COL5A2: variants seen among roughly 807,000 people sequenced by gnomAD.
The protein encoded by COL5A2 is collagen type V alpha 2 chain.
A neutral mutation model predicts 208.2 loss-of-function variants in COL5A2; 23 were observed. The observed-to-expected ratio is 0.11, with a 90% confidence interval of 0.08 to 0.16. The LOEUF (loss-of-function observed/expected upper bound fraction) is 0.16. Ranked by LOEUF, COL5A2 falls within the 10% of genes least tolerant of loss-of-function variation. The pLI, the probability that COL5A2 is intolerant of heterozygous loss-of-function variation, is 1.00. For synonymous variants in COL5A2, 625 were observed against 628.5 expected (o/e 0.99, Z 0.08); for missense variants, 1,590 against 1,956.4 (o/e 0.81, Z 3.53).
intron 51 of COL5A2, among the ~76,000 whole-genome samples, chr2:189,038,881 G>T (rs1444270856): frequency 6.6e-6 from 1 of 151,952 alleles, no homozygotes; most frequent in East Asian, 1.9e-4. Context: ...AGTAGAGACG[G>T]GGTTTCACCA....
At chr2:189,326,549 T>G in the COL5A2 span, among the ~76,000 whole-genome samples, 1 of 151,738 alleles carries the variant, frequency 6.6e-6, no homozygotes, top group African/African-American at 2.4e-5. Context: ...AAATTAGCTG[T>G]GCATGGTGGT....
At chr2:189,365,884 CTATGCTGAACT>C in the COL5A2 span, among the ~76,000 whole-genome samples, 66 of 152,296 alleles carry the variant, frequency 4.3e-4, 1 homozygote, top group African/African-American at 1.5e-3. Context: ...TGCATTTGAA[CTATGCTGAACT>C]TAGACACCCC....
intron 2 of COL5A2, among the ~76,000 whole-genome samples, chr2:189,106,972 CTT>C (rs1280107769): frequency 2.0e-5 from 3 of 151,376 alleles, no homozygotes; most frequent in South Asian, 2.1e-4. Flanking sequence ...TGCTAATAGA[CTT>C]AATATTTTAT....
chr2:189,088,784 A>G lies in COL5A2; in HGVS notation c.568-12T>C, dbSNP rs771769034. 1.9e-6 allele frequency: 3 copies of G among 1,608,458 alleles called. No homozygotes were observed. Among genetic ancestry groups the G allele is most frequent in the Non-Finnish European group, 2.6e-6 (3 of 1,174,860 alleles). The stretch of plus-strand genomic sequence containing the variant: ...TGAGCTGAAAACGGCTGTAAAAGCG[A>G]TATGTTGACATTATTTCTACAGTAA... On this transcript the variant is annotated splice_polypyrimidine_tract_variant and intron_variant, in intron 7 of 53. Coordinates refer to ENST00000374866, the MANE Select transcript of COL5A2 (RefSeq NM_000393.5).
chr2:189,073,990 C>A (rs913717325), intron 17 of COL5A2, among the ~76,000 whole-genome samples: 5 of 152,058 alleles, frequency 3.3e-5, no homozygotes, highest in Non-Finnish European at 7.4e-5. Flanking sequence ...AGTTAATGGG[C>A]AGCAATTGAG....
the COL5A2 span, among the ~76,000 whole-genome samples, chr2:189,306,301 C>T: frequency 8.5e-5 from 13 of 152,158 alleles, no homozygotes; most frequent in Non-Finnish European, 7.4e-5. Flanking sequence ...CTCCAGAGCA[C>T]TCCCCATGGA....
intron 1 of COL5A2, among the ~76,000 whole-genome samples, chr2:189,195,069 C>T (rs942053794): frequency 2.0e-5 from 3 of 152,098 alleles, no homozygotes; most frequent in Admixed American, 1.3e-4. Flanking sequence ...ATTTAGAAAA[C>T]CCCATTGTCT....
chr2:189,153,979 T>C (rs1247480606), intron 1 of COL5A2, among the ~76,000 whole-genome samples: 1 of 152,122 alleles, frequency 6.6e-6, no homozygotes, highest in African/African-American at 2.4e-5. Context: ...TCCCTGGCTA[T>C]GGAAAATTGC....
chr2:189,370,567 A>G, the COL5A2 span, among the ~76,000 whole-genome samples: 4 of 152,258 alleles, frequency 2.6e-5, no homozygotes, highest in African/African-American at 9.6e-5. Context: ...CACTCAACAC[A>G]TAAAGCCACA....
chr2:189,245,083 C>T, the COL5A2 span, among the ~76,000 whole-genome samples: 9 of 152,174 alleles, frequency 5.9e-5, no homozygotes, highest in Middle Eastern at 3.2e-3. Context: ...GATTCAGTTA[C>T]CTCCCACTGG....
chr2:189,118,799 G>A (rs956383017), intron 1 of COL5A2, among the ~76,000 whole-genome samples: 1 of 151,906 alleles, frequency 6.6e-6, no homozygotes, highest in African/African-American at 2.4e-5. Flanking sequence ...GTTTTGTTCT[G>A]CTTTACACAG....
intron 24 of COL5A2, 101 bp downstream of exon 24, chr2:189,064,903 G>A: frequency 8.8e-7 from 1 of 1,139,436 alleles, no homozygotes; most frequent in Non-Finnish European, 1.3e-6. Context: ...CTCCTTTCTG[G>A]ATCTGAGCCC....
At chr2:189,200,517 T>C (rs1386740325) in intron 1 of COL5A2, among the ~76,000 whole-genome samples, 1 of 144,058 alleles carries the variant, frequency 6.9e-6, no homozygotes, top group Non-Finnish European at 1.5e-5. Flanking sequence ...GGGAAGAAGA[T>C]GGGATTGCAA....
chr2:189,059,810 C>G (rs1211891803), intron 31 of COL5A2, among the ~76,000 whole-genome samples: 1 of 151,668 alleles, frequency 6.6e-6, no homozygotes, highest in African/African-American at 2.4e-5. Flanking sequence ...GTCTCGAACT[C>G]CTGATGCCAA....
At chr2:189,279,720 G>A in the COL5A2 span, among the ~76,000 whole-genome samples, 16 of 152,210 alleles carry the variant, frequency 1.1e-4, no homozygotes, top group East Asian at 3.1e-3. Flanking sequence ...CATTGCAAGT[G>A]TAACAGGATG....
chr2:189,207,858 T>A (rs1689160296), intron 1 of COL5A2, among the ~76,000 whole-genome samples: 1 of 152,134 alleles, frequency 6.6e-6, no homozygotes, highest in Non-Finnish European at 1.5e-5. Context: ...TCCTTTTGAA[T>A]TTTTTTCTCA....
the COL5A2 span, among the ~76,000 whole-genome samples, chr2:189,298,806 T>C: frequency 6.6e-6 from 1 of 152,156 alleles, no homozygotes; most frequent in Non-Finnish European, 1.5e-5. Flanking sequence ...AAGGGATATA[T>C]CTAACACAAT....
intron 17 of COL5A2, among the ~76,000 whole-genome samples, chr2:189,072,609 T>C (rs1057026492): frequency 6.6e-6 from 1 of 151,994 alleles, no homozygotes; most frequent in African/African-American, 2.4e-5. Context: ...CAGTCTCTAC[T>C]AAAAATACAA....
At chr2:189,050,340 AT>A (rs1412041797) in intron 43 of COL5A2, among the ~76,000 whole-genome samples, 4 of 152,142 alleles carry the variant, frequency 2.6e-5, no homozygotes, top group Non-Finnish European at 5.9e-5. Flanking sequence ...CCATATCCTT[AT>A]TTGCCTACTT....
Sources: allele counts gnomAD v4.1 joint callset (sites outside exome capture counted in the v4.1 genomes callset), GRCh38; gene constraint gnomAD v4.1.1; transcripts MANE v1.5; gene names NCBI Gene and HGNC (gene_info 2026-07-23, HGNC 2026-07-21).